Variants in TYW1 observed in about 807,000 individuals in gnomAD.
TYW1 encodes the protein S-adenosyl-L-methionine-dependent tRNA 4-demethylwyosine synthase TYW1.
Under a neutral mutation model 96.2 loss-of-function variants are expected in TYW1, and 46 were observed. The observed-to-expected ratio is 0.48, with a 90% CI of 0.38 to 0.61. The LOEUF is 0.61. Ranked by LOEUF, TYW1 falls within the 20% of genes least tolerant of loss-of-function variation. The probability of loss-of-function intolerance (pLI) is 0.00; values close to 1 mark genes in which losing one functional copy is unlikely to be tolerated. For synonymous variants in TYW1, 274 were observed against 323.0 expected (o/e 0.85, Z 1.63); for missense variants, 684 against 909.6 (o/e 0.75, Z 3.19).
At chr7:67,178,188 G>C (rs1296578043) in intron 13 of TYW1, among the ~76,000 whole-genome samples, 1 of 151,744 alleles carries the variant, frequency 6.6e-6, no homozygotes, top group African/African-American at 2.4e-5. Flanking sequence ...AACAGGAGGT[G>C]GGGAGAGGGA....
intron 8 of TYW1, among the ~76,000 whole-genome samples, chr7:67,052,716 G>T (rs1795394538): frequency 6.6e-6 from 1 of 152,090 alleles, no homozygotes; most frequent in East Asian, 1.9e-4. Flanking sequence ...TAGGTACTGG[G>T]TATTTTTATT....
intron 10 of TYW1, among the ~76,000 whole-genome samples, chr7:67,072,933 AGTT>A (rs1245102667): frequency 8.7e-4 from 72 of 82,536 alleles, no homozygotes; most frequent in African/African-American, 3.7e-3. Flanking sequence ...ATGCCTATCC[AGTT>A]TTTTTTTTTT....
chr7:67,205,293 C>T (rs59333040), intron 15 of TYW1, among the ~76,000 whole-genome samples: 14,214 of 151,870 alleles, frequency 0.094, 1,250 homozygotes, highest in African/African-American at 0.22. Flanking sequence ...TTCTGGCTCC[C>T]GTCAGCCTCC....
chr7:67,069,132 C>T (rs1052764233), intron 10 of TYW1, among the ~76,000 whole-genome samples: 22 of 151,748 alleles, frequency 1.4e-4, no homozygotes, highest in Non-Finnish European at 2.8e-4. Flanking sequence ...CTTATAATAA[C>T]TTGATTTGGG....
At chr7:67,042,045 A>G (rs868636317) in intron 7 of TYW1, among the ~76,000 whole-genome samples, 2 of 145,478 alleles carry the variant, frequency 1.4e-5, no homozygotes, top group Admixed American at 6.9e-5. Context: ...TAGAATTAAT[A>G]TATAATTATA....
chr7:67,035,205 G>A (rs1481855204), intron 7 of TYW1, among the ~76,000 whole-genome samples: 3 of 149,956 alleles, frequency 2.0e-5, no homozygotes, highest in South Asian at 2.1e-4. Context: ...TGCAACTTCC[G>A]CCTCCCAGTT....
At chr7:67,212,085 C>G (rs1032963633) in intron 15 of TYW1, among the ~76,000 whole-genome samples, 3 of 152,164 alleles carry the variant, frequency 2.0e-5, no homozygotes, top group African/African-American at 7.2e-5. Context: ...GAATAATTTT[C>G]TGCCCTAAAA....
intron 11 of TYW1, among the ~76,000 whole-genome samples, chr7:67,091,433 A>C (rs1430001040): frequency 2.8e-5 from 3 of 108,186 alleles, no homozygotes; most frequent in Non-Finnish European, 5.7e-5. Context: ...GGGAGGGGGG[A>C]GGGATAGCAT....
chr7:67,180,390 ATATATATATATATATT>A (rs201411200), intron 13 of TYW1, among the ~76,000 whole-genome samples: 3,849 of 78,998 alleles, frequency 0.049, 279 homozygotes, highest in East Asian at 0.15. Flanking sequence ...GTTGGTTTAT[ATATATATATATATATT>A]TATATATATA....
intron 13 of TYW1, among the ~76,000 whole-genome samples, chr7:67,135,549 C>T (rs71563165): frequency 0.28 from 41,521 of 150,962 alleles, 6,551 homozygotes; most frequent in African/African-American, 0.43. Flanking sequence ...AGCAATCCAC[C>T]GCCTCGGCCT....
chr7:67,021,960 G>T (rs1029709190), intron 6 of TYW1, among the ~76,000 whole-genome samples: 6 of 152,220 alleles, frequency 3.9e-5, no homozygotes, highest in African/African-American at 1.4e-4. Flanking sequence ...TGTTCCCCAG[G>T]CTGGAGTGCA....
chr7:67,238,469 T>G lies in TYW1; in HGVS notation c.2139T>G (p.Phe713Leu), dbSNP rs1328493751. ...WALFGASERGFDPKDTRHQRK... is the reference protein window; with the variant it reads ...WALFGASERGLDPKDTRHQRK... ...TATTTGGTGCCAGTGAAAGAGGCTTTGATCCCAAGGACACAAGACATCAGA... is the reference window on the plus strand; with the variant it reads ...TATTTGGTGCCAGTGAAAGAGGCTTGGATCCCAAGGACACAAGACATCAGA... The change falls in exon 16 of 16, where the codon TTT becomes TTG. Residue 713 changes from phenylalanine (F) to leucine (L), a missense_variant. Phe to Leu is a conservative substitution (Grantham distance 22). Coordinates refer to ENST00000359626, the MANE Select transcript of TYW1 (RefSeq NM_018264.4). The G allele has an allele frequency of 6.2e-7, 1 of 1,613,854 alleles. No homozygotes were observed. Among genetic ancestry groups the G allele is most frequent in the Non-Finnish European group, 8.5e-7 (1 of 1,179,880 alleles).
intron 15 of TYW1, among the ~76,000 whole-genome samples, chr7:67,205,442 GCTT>G (rs951437767): frequency 3.3e-5 from 5 of 151,600 alleles, no homozygotes; most frequent in Non-Finnish European, 7.4e-5. Context: ...TCTCCACTAA[GCTT>G]CTTCTGACAC....
At chr7:67,060,667 G>A (rs1002983674) in intron 9 of TYW1, among the ~76,000 whole-genome samples, 6 of 152,194 alleles carry the variant, frequency 3.9e-5, no homozygotes, top group Admixed American at 3.9e-4. Flanking sequence ...GTTAGGTTTT[G>A]TTAACTCACC....
chr7:67,229,910 C>T (rs1318821719), intron 15 of TYW1, among the ~76,000 whole-genome samples: 1 of 152,166 alleles, frequency 6.6e-6, no homozygotes, highest in Non-Finnish European at 1.5e-5. Context: ...TATGATTGCA[C>T]CACTGCACTC....
chr7:67,053,052 A>G (rs1443967312), intron 8 of TYW1, among the ~76,000 whole-genome samples: 1 of 142,052 alleles, frequency 7.0e-6, no homozygotes, highest in African/African-American at 2.6e-5. Context: ...GGATATTTTT[A>G]TATAAACACT....
At chr7:67,201,567 T>C (rs1800600524) in intron 15 of TYW1, among the ~76,000 whole-genome samples, 1 of 151,066 alleles carries the variant, frequency 6.6e-6, no homozygotes, top group Non-Finnish European at 1.5e-5. Context: ...TCCATGGAGA[T>C]GATGTTACTT....
At chr7:67,168,067 T>A (rs1165793752) in intron 13 of TYW1, among the ~76,000 whole-genome samples, 3 of 151,182 alleles carry the variant, frequency 2.0e-5, no homozygotes, top group African/African-American at 7.3e-5. Context: ...GTTGATTTTT[T>A]ATAAATACTC....
At chr7:67,127,350 G>C (rs1464765209) in intron 13 of TYW1, among the ~76,000 whole-genome samples, 2 of 151,798 alleles carry the variant, frequency 1.3e-5, no homozygotes, top group African/African-American at 4.8e-5. Context: ...AGTAGAGACA[G>C]GGTTTTACCA....
Sources: allele counts gnomAD v4.1 joint callset (sites outside exome capture counted in the v4.1 genomes callset), GRCh38; gene constraint gnomAD v4.1.1; transcripts MANE v1.5; gene names NCBI Gene and HGNC (gene_info 2026-07-23, HGNC 2026-07-21).